Variants in AFG1L observed in about 807,000 individuals in gnomAD.
The protein encoded by AFG1L is AFG1-like ATPase.
In AFG1L, 53 loss-of-function variants were observed where a neutral mutation model predicts 62.2. The observed-to-expected ratio is 0.85, with a 90% CI of 0.68 to 1.07. The LOEUF is 1.07. Ranked by LOEUF, AFG1L falls within the 50% of genes least tolerant of loss-of-function variation. The pLI, the probability that AFG1L is intolerant of heterozygous loss-of-function variation, is 0.00. For missense variants in AFG1L, 555 were observed against 590.5 expected (o/e 0.94, Z 0.62); for synonymous variants, 228 against 210.3 (o/e 1.08, Z -0.73).
chr6:108,330,182 A>G (rs114397201), intron 2 of AFG1L, among the ~76,000 whole-genome samples: 2 of 132,516 alleles, frequency 1.5e-5, no homozygotes, highest in African/African-American at 5.6e-5. Flanking sequence ...TTCCTTTTTT[A>G]TTTTTTTTTT....
chr6:108,347,069 G>C (rs1452987726), intron 3 of AFG1L, 30 bp downstream of exon 3: 1 of 1,575,466 alleles, frequency 6.3e-7, no homozygotes, highest in Non-Finnish European at 8.7e-7. Context: ...TTTTGGGTGG[G>C]CAAAACAGAA....
chr6:108,321,918 G>A (rs886948791), intron 1 of AFG1L, among the ~76,000 whole-genome samples: 3 of 152,140 alleles, frequency 2.0e-5, no homozygotes, highest in African/African-American at 7.2e-5. Context: ...GTCTCACTCT[G>A]TTGCCCGGGC....
At chr6:108,517,129 C>T (rs1321000252) in intron 11 of AFG1L, among the ~76,000 whole-genome samples, 1 of 152,208 alleles carries the variant, frequency 6.6e-6, no homozygotes, top group East Asian at 1.9e-4. Context: ...CAATGATTTT[C>T]TTCACAGAAT....
chr6:108,476,941 T>C lies in AFG1L; in HGVS notation c.961+6T>C. 1 of 1,611,314 alleles carries C rather than the reference T, an allele frequency of 6.2e-7. No individual in the cohort carries two copies. The highest frequency in any genetic ancestry group is 8.5e-7 in the Non-Finnish European group (1 of 1,177,490). On this transcript the variant is annotated splice_donor_region_variant and intron_variant, in intron 9 of 12. Transcript: ENST00000368977. ...GGCTCAGAAACAAAATGATTGTACG[T>C]AAGTTAATTTCTCTTGAAAGAGAAT...
At chr6:108,300,957 C>T (rs533652105) in intron 1 of AFG1L, among the ~76,000 whole-genome samples, 1 of 152,180 alleles carries the variant, frequency 6.6e-6, no homozygotes, top group East Asian at 1.9e-4. Context: ...TAGGCGTGAG[C>T]CACCACGCCC....
At chr6:108,486,187 A>AT (rs1025390332) in intron 10 of AFG1L, among the ~76,000 whole-genome samples, 3 of 152,106 alleles carry the variant, frequency 2.0e-5, no homozygotes, top group African/African-American at 7.2e-5. Flanking sequence ...TACTTGTTTG[A>AT]TTTTTTTAAA....
intron 10 of AFG1L, among the ~76,000 whole-genome samples, chr6:108,493,544 T>C (rs1773850172): frequency 6.6e-6 from 1 of 152,184 alleles, no homozygotes; most frequent in Non-Finnish European, 1.5e-5. Context: ...TCATTTGCTG[T>C]TGTTAATTCT....
chr6:108,519,850 G>A, intron 12 of AFG1L, 40 bp downstream of exon 12: 1 of 1,329,456 alleles, frequency 7.5e-7, no homozygotes, highest in Non-Finnish European at 1.1e-6. Flanking sequence ...TTATAAAACA[G>A]CTTAATTGTT....
intron 6 of AFG1L, among the ~76,000 whole-genome samples, chr6:108,399,096 A>G (rs1352941066): frequency 7.1e-6 from 1 of 140,470 alleles, no homozygotes; most frequent in Non-Finnish European, 1.5e-5. Flanking sequence ...ATAGCTTTCC[A>G]TTTTTGTGTT....
intron 6 of AFG1L, among the ~76,000 whole-genome samples, chr6:108,378,203 T>A (rs1415823295): frequency 6.6e-6 from 1 of 152,064 alleles, no homozygotes; most frequent in East Asian, 1.9e-4. Flanking sequence ...TTTTGAGATG[T>A]TTATCTCTTC....
intron 7 of AFG1L, among the ~76,000 whole-genome samples, chr6:108,417,207 G>A (rs1010660427): frequency 3.3e-5 from 5 of 150,622 alleles, no homozygotes; most frequent in Non-Finnish European, 5.9e-5. Context: ...GGATTCCAGC[G>A]TGGGCGACAG....
chr6:108,475,187 T>C (rs1773059511), intron 8 of AFG1L, among the ~76,000 whole-genome samples: 1 of 152,192 alleles, frequency 6.6e-6, no homozygotes, highest in African/African-American at 2.4e-5. Flanking sequence ...TTCTTAAAGA[T>C]CAGATGGTTG....
intron 6 of AFG1L, among the ~76,000 whole-genome samples, chr6:108,386,020 G>A (rs912308932): frequency 2.0e-5 from 3 of 152,182 alleles, no homozygotes; most frequent in Non-Finnish European, 4.4e-5. Context: ...GGCTGAGGTT[G>A]GGGAATCACT....
At chr6:108,508,479 T>A (rs546033064) in intron 10 of AFG1L, among the ~76,000 whole-genome samples, 1 of 152,162 alleles carries the variant, frequency 6.6e-6, no homozygotes, top group Non-Finnish European at 1.5e-5. Context: ...CCATTTGTTA[T>A]CTGGTTGGTG....
chr6:108,404,688 T>A (rs943562527), intron 7 of AFG1L, among the ~76,000 whole-genome samples: 38 of 152,218 alleles, frequency 2.5e-4, no homozygotes, highest in African/African-American at 9.1e-4. Flanking sequence ...TTGGAGGCTA[T>A]GTTATAAGTT....
intron 10 of AFG1L, among the ~76,000 whole-genome samples, chr6:108,488,893 G>A (rs879325546): frequency 6.6e-6 from 1 of 151,982 alleles, no homozygotes; most frequent in Non-Finnish European, 1.5e-5. Flanking sequence ...CAATTACAGA[G>A]TATATTCAGA....
Position 108,525,811 on chromosome 6 carries a change from T to C in AFG1L, c.*3386T>C, listed in dbSNP as rs1775297507. ...ATTAAATTTTCCATTTCATTGCCTC[T>C]GTCCTGAAAACAGTATTGCTGGTCC... On this transcript the variant is annotated 3_prime_UTR_variant, in exon 13 of 13. Coordinates refer to ENST00000368977, the MANE Select transcript of AFG1L (RefSeq NM_145315.5). 1 of 152,248 alleles carries C rather than the reference T, an allele frequency of 6.6e-6. No individual in the cohort carries two copies. Among genetic ancestry groups the C allele is most frequent in the Non-Finnish European group, 1.5e-5 (1 of 68,038 alleles). 9.4% of individuals were successfully genotyped at this position (152,248 alleles called of 1,614,324 possible).
chr6:108,382,925 G>A (rs1780611061), intron 6 of AFG1L, among the ~76,000 whole-genome samples: 1 of 152,136 alleles, frequency 6.6e-6, no homozygotes, highest in African/African-American at 2.4e-5. Flanking sequence ...AGATACTGCA[G>A]CAATAAATCT....
chr6:108,437,469 G>T (rs1182021944), intron 7 of AFG1L, among the ~76,000 whole-genome samples: 1 of 152,120 alleles, frequency 6.6e-6, no homozygotes, highest in African/African-American at 2.4e-5. Flanking sequence ...TTAAGAGGCA[G>T]TCCCACTGTC....
Sources: allele counts gnomAD v4.1 joint callset (sites outside exome capture counted in the v4.1 genomes callset), GRCh38; gene constraint gnomAD v4.1.1; transcripts MANE v1.5; gene names NCBI Gene and HGNC (gene_info 2026-07-23, HGNC 2026-07-21).